TFCP2L1: variants seen among roughly 807,000 people sequenced by gnomAD.
The protein encoded by TFCP2L1 is transcription factor CP2-like protein 1.
Under a neutral mutation model 72.2 loss-of-function variants are expected in TFCP2L1, and 12 were observed. The ratio of observed to expected loss-of-function variants is 0.17; its 90% CI spans 0.11 to 0.27. TFCP2L1 has a LOEUF of 0.27. Among genes scored for constraint, TFCP2L1 ranks in the 10% least tolerant of loss-of-function variants. The pLI, the probability that TFCP2L1 is intolerant of heterozygous loss-of-function variation, is 1.00. For missense variants in TFCP2L1, 488 were observed against 624.6 expected, an observed-to-expected ratio of 0.78 and a Z score of 2.33; for synonymous variants, 260 against 251.0, an observed-to-expected ratio of 1.04 and a Z score of -0.34.
chr2:121,268,563 TG>T (rs1558743669), intron 2 of TFCP2L1, among the ~76,000 whole-genome samples: 1 of 151,932 alleles, frequency 6.6e-6, no homozygotes, highest in African/African-American at 2.4e-5. Flanking sequence ...TATCCCTATA[TG>T]GCAAAAAAAT....
At chr2:121,280,160 T>C (rs988974829) in intron 2 of TFCP2L1, among the ~76,000 whole-genome samples, 1 of 151,888 alleles carries the variant, frequency 6.6e-6, no homozygotes, top group African/African-American at 2.4e-5. Flanking sequence ...AAAATTATAC[T>C]TCTTGTTTTA....
In TFCP2L1 at chr2:121,223,325, G is replaced by A. The variant is rs1685961965; in HGVS notation, c.*1016C>T. 6.6e-6 allele frequency: 1 copy of A among 152,154 alleles called. No individual in the cohort carries two copies. Among genetic ancestry groups the A allele is most frequent in the African/African-American group, 2.4e-5 (1 of 41,432 alleles). The allele number at this position is 152,154 out of a possible 1,614,324, so 9.4% of individuals were successfully genotyped here. A position where few individuals can be genotyped will look rare whatever the true frequency, so the allele number is the denominator to read the frequency against. ...AGATGATGCACCCATTCTGATGCAG[G>A]CAAAATATCCTAAACATAGCCTCTA... On this transcript the variant is annotated 3_prime_UTR_variant, in exon 15 of 15. Transcript: ENST00000263707.
At chr2:121,281,094 C>CCTGGCCCGGGGCCT in intron 2 of TFCP2L1, 26 bp downstream of exon 2, 6 of 1,613,706 alleles carry the variant, frequency 3.7e-6, no homozygotes, top group Non-Finnish European at 5.1e-6. Context: ...TGGGTTCCGC[C>CCTGGCCCGGGGCCT]CTGGCCCGGG....
chr2:121,256,058 A>G (rs1686714061), intron 2 of TFCP2L1, among the ~76,000 whole-genome samples: 1 of 151,622 alleles, frequency 6.6e-6, no homozygotes, highest in African/African-American at 2.4e-5. Flanking sequence ...ACTTCTTGAT[A>G]CTCATTTTAT....
chr2:121,219,066 G>A lies in TFCP2L1; in HGVS notation c.*5275C>T, dbSNP rs17794420. ...TAAGATGACACAGAGCATGCAACCC[G>A]AGCGGAAGTGCCTGTGTGAAGCCAG... On this transcript the variant is annotated 3_prime_UTR_variant, in exon 15 of 15. Transcript: ENST00000263707. The A allele has an allele frequency of 0.38, 57,847 of 152,084 alleles. 12,592 individuals are homozygous for A. The highest frequency in any genetic ancestry group is 0.49 in the Non-Finnish European group (33,277 of 68,060). 9.4% of individuals were successfully genotyped at this position (152,084 alleles called of 1,614,324 possible).
intron 2 of TFCP2L1, among the ~76,000 whole-genome samples, chr2:121,258,822 TA>T (rs1196907524): frequency 2.6e-5 from 4 of 152,222 alleles, no homozygotes; most frequent in Non-Finnish European, 5.9e-5. Context: ...CAATTGGCCC[TA>T]TTTTAATAGG....
intron 2 of TFCP2L1, among the ~76,000 whole-genome samples, chr2:121,275,397 T>TGAAAAAAAAAA (rs1450732297): frequency 4.6e-5 from 1 of 21,744 alleles, no homozygotes; most frequent in Non-Finnish European, 8.2e-5. Context: ...AGACTCCATC[T>TGAAAAAAAAAA]CAAAAAAAAA....
intron 2 of TFCP2L1, among the ~76,000 whole-genome samples, chr2:121,267,483 T>C (rs1269524605): frequency 6.6e-6 from 1 of 150,816 alleles, no homozygotes; most frequent in Non-Finnish European, 1.5e-5. Flanking sequence ...TGTAGACACC[T>C]ATGAACATTA....
intron 2 of TFCP2L1, among the ~76,000 whole-genome samples, chr2:121,257,128 T>C (rs1026292160): frequency 2.6e-5 from 4 of 152,074 alleles, no homozygotes; most frequent in Non-Finnish European, 4.4e-5. Context: ...CCAGATTACT[T>C]TGTGATGAAA....
chr2:121,252,510 T>G (rs1289898408), intron 2 of TFCP2L1, among the ~76,000 whole-genome samples: 1 of 152,196 alleles, frequency 6.6e-6, no homozygotes, highest in Non-Finnish European at 1.5e-5. Context: ...ATTAAGATTC[T>G]GAGACGAGGA....
At chr2:121,258,773 G>T (rs1225965790) in intron 2 of TFCP2L1, among the ~76,000 whole-genome samples, 1 of 152,200 alleles carries the variant, frequency 6.6e-6, no homozygotes, top group Non-Finnish European at 1.5e-5. Flanking sequence ...CCTGAACTGG[G>T]TCTGGATCAA....
intron 2 of TFCP2L1, among the ~76,000 whole-genome samples, chr2:121,250,757 C>T (rs894513056): frequency 1.1e-4 from 17 of 151,288 alleles, no homozygotes; most frequent in South Asian, 6.3e-4. Context: ...CAGGCGCCTG[C>T]CACCACGCCC....
chr2:121,259,306 G>A (rs1194797980), intron 2 of TFCP2L1, among the ~76,000 whole-genome samples: 1 of 151,774 alleles, frequency 6.6e-6, no homozygotes, highest in Non-Finnish European at 1.5e-5. Context: ...AGATCATGTT[G>A]TCTGCAACTA....
chr2:121,221,212 A>G lies in TFCP2L1; in HGVS notation c.*3129T>C, dbSNP rs1177632976. On this transcript the variant is annotated 3_prime_UTR_variant, in exon 15 of 15. Transcript: ENST00000263707. ...AGGTGATTCAGTTTCCTCATGACTC[A>G]TAACAGGAAATCATTGGTCTCAACC... 3 of 152,192 alleles carry G rather than the reference A, an allele frequency of 2.0e-5. No individual in the cohort carries two copies. Among genetic ancestry groups the G allele is most frequent in the African/African-American group, 2.4e-5 (1 of 41,436 alleles). 9.4% of individuals were successfully genotyped at this position (152,192 alleles called of 1,614,324 possible).
At chr2:121,234,533 G>A (rs985777022) in intron 11 of TFCP2L1, among the ~76,000 whole-genome samples, 5 of 152,156 alleles carry the variant, frequency 3.3e-5, no homozygotes, top group African/African-American at 4.8e-5. Context: ...TAGGACTATC[G>A]CTCTCATTCC....
At chr2:121,239,512 C>T (rs761733096) in intron 8 of TFCP2L1, 46 bp downstream of exon 8, 1 of 1,599,538 alleles carries the variant, frequency 6.3e-7, no homozygotes, top group South Asian at 1.1e-5. Context: ...GGAAAGTACA[C>T]CTGCCTTCAT....
chr2:121,277,037 T>C (rs1687162184), intron 2 of TFCP2L1, among the ~76,000 whole-genome samples: 1 of 151,876 alleles, frequency 6.6e-6, no homozygotes, highest in Admixed American at 6.6e-5. Flanking sequence ...AGAAAAATAC[T>C]TGCAAAAAAT....
In TFCP2L1 at chr2:121,223,776, A is replaced by G. The variant is rs1685970851; in HGVS notation, c.*565T>C. On this transcript the variant is annotated 3_prime_UTR_variant, in exon 15 of 15. Transcript: ENST00000263707. Reference sequence around the variant, plus strand: ...GCACAGAATAGCCCCACTCCCATCAATTCATCCAAGAACAGGAAAGGCGGA... The same window carrying G: ...GCACAGAATAGCCCCACTCCCATCAGTTCATCCAAGAACAGGAAAGGCGGA... The G allele has an allele frequency of 6.2e-6, 1 of 160,878 alleles. No individual in the cohort carries two copies. Among genetic ancestry groups the G allele is most frequent in the Non-Finnish European group, 1.4e-5 (1 of 72,216 alleles). The allele number at this position is 160,878 out of a possible 1,614,324, so 10.0% of individuals were successfully genotyped here.
Position 121,237,802 on chromosome 2 carries a change from G to A in TFCP2L1, c.909C>T (p.Asp303=), listed in dbSNP as rs774084219. The A allele has an allele frequency of 2.6e-5, 42 of 1,614,004 alleles. 1 individual carries two copies. The South Asian group carries it at 4.2e-4, about 16-fold the overall frequency. Residue 303 remains aspartate (D), a splice_region_variant and synonymous_variant, in exon 9 of 15, where the codon GAC becomes GAT. Coordinates refer to ENST00000263707, the MANE Select transcript of TFCP2L1 (RefSeq NM_014553.3). The stretch of plus-strand genomic sequence containing the variant: ...CAGAAAGCCCTGCTCAGACACTTAC[G>A]TCACTGCCCACGGGCAGGGCCTCCA... The part of the protein sequence containing the change: ...HPVEALPVGS[D]HLLPSASIQD...
Sources: allele counts gnomAD v4.1 joint callset (sites outside exome capture counted in the v4.1 genomes callset), GRCh38; gene constraint gnomAD v4.1.1; transcripts MANE v1.5; gene names NCBI Gene and HGNC (gene_info 2026-07-23, HGNC 2026-07-21).